GPKOW: variants seen among roughly 807,000 people sequenced by gnomAD.
GPKOW encodes G-patch domain and KOW motifs-containing protein.
For synonymous variants in GPKOW, 167 were observed against 159.1 expected (o/e 1.05, Z -0.37); for missense variants, 359 against 404.7 (o/e 0.89, Z 0.97).
chrX:49,116,097 C>T, intron 7 of GPKOW, 83 bp from the exon 8 acceptor site: 2 of 1,154,536 alleles, frequency 1.7e-6, no homozygotes, highest in East Asian at 3.0e-5. Context: ...TGCTATGAAA[C>T]CCACCCACAA....
chrX:49,123,102 T>G (rs2065219405), intron 1 of GPKOW, among the ~76,000 whole-genome samples: 1 of 110,963 alleles, frequency 9.0e-6, no homozygotes, highest in Non-Finnish European at 1.9e-5. Flanking sequence ...GCTTCCTAGA[T>G]GCCTGATTCT....
Position 49,119,616 on chromosome X carries a change from C to T in GPKOW, c.566+89G>A, listed in dbSNP as rs782258609. ...GCGATAATGTATCCTCCCTCCCTGC[C>T]TAGGTGGTTCTGGTTTGGCAGTGAC... On this transcript the variant is annotated intron_variant, in intron 4 of 10. Coordinates refer to ENST00000156109, the MANE Select transcript of GPKOW (RefSeq NM_015698.6). 1.6e-5 allele frequency: 8 copies of T among 504,627 alleles called. No homozygotes were observed. In the East Asian group the frequency reaches 3.0e-4, roughly 19 times the overall value. The allele number at this position is 504,627 out of a possible 1,213,427, so 41.6% of individuals were successfully genotyped here. A position where few individuals can be genotyped will look rare whatever the true frequency, so the allele number is the denominator to read the frequency against.
At chrX:49,114,031 C>T in intron 9 of GPKOW, 93 bp from the exon 10 acceptor site, 1 of 591,233 alleles carries the variant, frequency 1.7e-6, no homozygotes, top group Non-Finnish European at 2.9e-6. Context: ...GGCGTGGTGG[C>T]TCACACCTGT....
At position 49,116,226 on chromosome X, in the gene GPKOW, T is replaced by C. The variant is rs782516062; in HGVS notation, c.1011A>G (p.Pro337=). ...CCGCATGCTCAGAGTCCCACCGGTCTGGAAGGTGTTTCCGCTTCCTCTCTG... is the reference window on the plus strand; with the variant it reads ...CCGCATGCTCAGAGTCCCACCGGTCCGGAAGGTGTTTCCGCTTCCTCTCTG... The part of the protein sequence containing the change: ...DNSERKRKHL[P]DRQDGPAAKS... Residue 337 remains proline, a synonymous_variant, in exon 7 of 11, where the codon CCA becomes CCG. Coordinates refer to ENST00000156109, the MANE Select transcript of GPKOW (RefSeq NM_015698.6). 8.4e-7 allele frequency: 1 copy of C among 1,188,209 alleles called. No individual in the cohort carries two copies. The highest frequency in any genetic ancestry group is 3.0e-5 in the East Asian group (1 of 33,755).
intron 9 of GPKOW, among the ~76,000 whole-genome samples, chrX:49,115,499 T>C (rs1198248773): frequency 3.2e-5 from 2 of 62,193 alleles, no homozygotes; most frequent in South Asian, 1.4e-3. Flanking sequence ...AGAGTGAGAC[T>C]CTGTCTCAAA....
chrX:49,117,617 G>A lies in GPKOW; in HGVS notation c.760C>T (p.His254Tyr). Residue 254 changes from histidine to tyrosine, a missense_variant, in exon 5 of 11, where the codon CAC becomes TAC. Transcript: ENST00000156109. ...GGAVVVLSGP[H>Y]RGLYGKVEGL... The stretch of plus-strand genomic sequence containing the variant: ...CTTACCTTCCCATAGAGGCCTCGGT[G>A]AGGGCCAGAAAGAACCACCACAGCT... 1 of 1,206,244 alleles carries A rather than the reference G, an allele frequency of 8.3e-7. No homozygotes were observed. The highest frequency in any genetic ancestry group is 1.1e-6 in the Non-Finnish European group (1 of 890,340).
At chrX:49,122,597 G>A in intron 2 of GPKOW, 25 bp downstream of exon 2, 1 of 1,207,742 alleles carries the variant, frequency 8.3e-7, no homozygotes, top group South Asian at 1.8e-5. Flanking sequence ...CCTTCAATGG[G>A]GAAGGGTAAA....
intron 3 of GPKOW, among the ~76,000 whole-genome samples, chrX:49,121,740 A>T (rs2065213719): frequency 9.1e-6 from 1 of 110,409 alleles, no homozygotes; most frequent in African/African-American, 3.3e-5. Flanking sequence ...TCGATTTTCT[A>T]CCACTATGCC....
chrX:49,119,576 G>A (rs2065206377), intron 4 of GPKOW, 129 bp downstream of exon 4: 1 of 431,754 alleles, frequency 2.3e-6, no homozygotes, highest in Admixed American at 4.5e-5. Flanking sequence ...GGAAGGGGCT[G>A]CTGAATTAGT....
Position 49,116,304 on chromosome X carries a change from G to C in GPKOW, c.933C>G (p.Ala311=). 8.3e-7 allele frequency: 1 copy of C among 1,197,897 alleles called. No homozygotes were observed. The highest frequency in any genetic ancestry group is 1.1e-6 in the Non-Finnish European group (1 of 883,043). ...TLDLRQQNGT[A]SSRKTLWNQE... The stretch of plus-strand genomic sequence containing the variant: ...GATTCCAGAGGGTCTTCCGTGATGA[G>C]GCAGTTCCGTTCTGTTGCCCTGGGG... Residue 311 remains alanine (A), a synonymous_variant, in exon 7 of 11, where the codon GCC becomes GCG. Transcript: ENST00000156109.
At chrX:49,122,125 G>A (rs1215969005) in intron 3 of GPKOW, among the ~76,000 whole-genome samples, 5 of 111,983 alleles carry the variant, frequency 4.5e-5, no homozygotes, top group African/African-American at 1.6e-4. Flanking sequence ...TTGGTGTTCC[G>A]CAAACACTTT....
chrX:49,117,543 G>A, intron 5 of GPKOW, 54 bp downstream of exon 5: 1 of 911,167 alleles, frequency 1.1e-6, no homozygotes, highest in Non-Finnish European at 1.6e-6. Flanking sequence ...CTGACCCTCG[G>A]ATCAACCTTC....
chrX:49,115,837 A>AG (rs1183868220), intron 8 of GPKOW, 42 bp from the exon 9 acceptor site: 13 of 1,193,085 alleles, frequency 1.1e-5, no homozygotes, highest in Non-Finnish European at 1.5e-5. Flanking sequence ...TTAGAGAGGT[A>AG]GGGGGGCCCA....
Position 49,116,202 on chromosome X carries a change from C to G in GPKOW, c.1016+19G>C. ...ACAGCCCTGCCTTCTTGACCCCTCC[C>G]GCATGCTCAGAGTCCCACCGGTCTG... is the stretch of plus-strand genomic sequence containing the variant. On this transcript the variant is annotated intron_variant, in intron 7 of 10. Coordinates refer to ENST00000156109, the MANE Select transcript of GPKOW (RefSeq NM_015698.6). 8.7e-7 allele frequency: 1 copy of G among 1,150,001 alleles called. No homozygotes were observed. Among genetic ancestry groups the G allele is most frequent in the Non-Finnish European group, 1.2e-6 (1 of 839,062 alleles). 94.8% of individuals were successfully genotyped at this position (1,150,001 alleles called of 1,213,427 possible). A position where few individuals can be genotyped will look rare whatever the true frequency, so the allele number is the denominator to read the frequency against.
At chrX:49,119,944 G>T in intron 3 of GPKOW, 130 bp from the exon 4 acceptor site, 1 of 439,007 alleles carries the variant, frequency 2.3e-6, no homozygotes, top group South Asian at 3.5e-5. Context: ...GGTGAGTTTT[G>T]ATTTCCTCTT....
rs139510915 is a variant in GPKOW at position 49,116,486 on chromosome X, G to A, written c.914-163C>T. Among the ~76,000 whole-genome samples the A allele has an allele frequency of 2.1e-3, 236 of 110,248 alleles. 1 individual carries two copies. The highest frequency in any genetic ancestry group is 7.6e-3 in the African/African-American group (230 of 30,335). On this transcript the variant is annotated intron_variant, in intron 6 of 10. Coordinates refer to ENST00000156109, the MANE Select transcript of GPKOW (RefSeq NM_015698.6). ...CCTCTCACCCCTCATGCATTTGCTA[G>A]TAGAATGCCTCTCCCCCACCTCTCA...
At chrX:49,116,420 C>T in intron 6 of GPKOW, 97 bp from the exon 7 acceptor site, 1 of 577,812 alleles carries the variant, frequency 1.7e-6, no homozygotes, top group Non-Finnish European at 3.0e-6. Context: ...CTTCCAAGGC[C>T]ATGTCTCAGC....
intron 4 of GPKOW, among the ~76,000 whole-genome samples, chrX:49,118,015 G>A (rs2065200122): frequency 9.2e-6 from 1 of 108,547 alleles, no homozygotes; most frequent in African/African-American, 3.4e-5. Flanking sequence ...CCACCTCCCA[G>A]GTTCAAGGGA....
rs1002293475 is a variant in GPKOW, at chrX:49,119,600, T to A, written c.566+105A>T. On this transcript the variant is annotated intron_variant, in intron 4 of 10. Coordinates refer to ENST00000156109, the MANE Select transcript of GPKOW (RefSeq NM_015698.6). Reference sequence around the variant, plus strand: ...TGCTGAATTAGTTAGGGCGATAATGTATCCTCCCTCCCTGCCTAGGTGGTT... The same window carrying A: ...TGCTGAATTAGTTAGGGCGATAATGAATCCTCCCTCCCTGCCTAGGTGGTT... 25 of 461,169 alleles carry A rather than the reference T, an allele frequency of 5.4e-5. No homozygotes were observed. In the South Asian group the frequency reaches 9.0e-4, roughly 17 times the overall value. The allele number at this position is 461,169 out of a possible 1,213,427, so 38.0% of individuals were successfully genotyped here. A position where few individuals can be genotyped will look rare whatever the true frequency, so the allele number is the denominator to read the frequency against.
Sources: gnomAD v4.1 joint callset for allele counts (sites outside exome capture counted in the v4.1 genomes callset) on GRCh38, gnomAD v4.1.1 for gene constraint, MANE v1.5 for transcripts, NCBI Gene and HGNC (gene_info 2026-07-23, HGNC 2026-07-21) for gene names.